HTR7: variants seen among roughly 807,000 people sequenced by gnomAD.
HTR7 encodes 5-HT-7.
A neutral mutation model predicts 34.0 loss-of-function variants in HTR7; 16 were observed. The observed-to-expected ratio is 0.47, with a 90% CI of 0.32 to 0.71. The LOEUF is 0.71. HTR7 is among the 30% of genes least tolerant of loss of function. HTR7 has a pLI of 0.04. For synonymous variants in HTR7, 265 were observed against 260.2 expected, an observed-to-expected ratio of 1.02 and a Z score of -0.18; for missense variants, 504 against 625.5, an observed-to-expected ratio of 0.81 and a Z score of 2.07.
rs762274693 is a variant in HTR7 at position 90,743,633 on chromosome 10, C to T, written c.1353G>A (p.Val451=). 13 of 1,613,946 alleles carry T rather than the reference C, an allele frequency of 8.1e-6. No individual in the cohort carries two copies. The South Asian group carries it at 1.2e-4, about 15-fold the overall frequency. The part of the protein sequence containing the change: ...LRPEKRPPVS[V]WVLQSPDHHN... ...GATGGTCTGGAGATTGTAGCACCCACACAGATACCGGTGGCCTCTTTTCTG... is the reference window on the plus strand; with the variant it reads ...GATGGTCTGGAGATTGTAGCACCCATACAGATACCGGTGGCCTCTTTTCTG... The change falls in exon 3 of 4, where the codon GTG becomes GTA. Residue 451 remains valine, a synonymous_variant. Coordinates refer to ENST00000336152, the MANE Select transcript of HTR7 (RefSeq NM_019859.4).
intron 1 of HTR7, among the ~76,000 whole-genome samples, chr10:90,843,813 G>A (rs1039476536): frequency 1.1e-4 from 16 of 152,264 alleles, no homozygotes; most frequent in Admixed American, 3.3e-4. Flanking sequence ...ACCAAATCTG[G>A]TCCCAGTCTG....
intron 1 of HTR7, among the ~76,000 whole-genome samples, chr10:90,794,454 A>G (rs1203924374): frequency 6.6e-6 from 1 of 152,180 alleles, no homozygotes; most frequent in Non-Finnish European, 1.5e-5. Flanking sequence ...TATCATTATC[A>G]AGTACTATGT....
chr10:90,843,302 T>C (rs1186978441), intron 1 of HTR7, among the ~76,000 whole-genome samples: 1 of 152,196 alleles, frequency 6.6e-6, no homozygotes, highest in East Asian at 1.9e-4. Flanking sequence ...TAAGCCTGGG[T>C]CATGCTATGC....
At chr10:90,848,132 G>A (rs1309001032) in intron 1 of HTR7, among the ~76,000 whole-genome samples, 4 of 139,492 alleles carry the variant, frequency 2.9e-5, no homozygotes, top group African/African-American at 5.7e-5. Context: ...GCAATGGCGC[G>A]ATCTCGGCTC....
At chr10:90,757,115 G>T (rs1223442943) in intron 1 of HTR7, among the ~76,000 whole-genome samples, 4 of 152,106 alleles carry the variant, frequency 2.6e-5, no homozygotes, top group Admixed American at 6.5e-5. Context: ...TAAAACCTTA[G>T]CTAAAAACTT....
rs1844589185 is a variant in HTR7, at chr10:90,743,646, G to A, written c.1340C>T (p.Pro447Leu). The change falls in exon 3 of 4, where the codon CCA becomes CTA. Residue 447 changes from proline to leucine, a missense_variant. Pro to Leu is a moderately conservative substitution (Grantham distance 98, BLOSUM62 -3). Around this residue, in one of 4 missense-constraint regions of HTR7, gnomAD observed 154 missense variants for 212.1 expected, o/e 0.73. Coordinates refer to ENST00000336152, the MANE Select transcript of HTR7 (RefSeq NM_019859.4). ...TTGTAGCACCCACACAGATACCGGT[G>A]GCCTCTTTTCTGGTCTCAACAGCAC... ...RRVLLRPEKR[P>L]PVSVWVLQSP... is the part of the protein sequence containing the mutation. The A allele has an allele frequency of 6.2e-7, 1 of 1,613,828 alleles. No homozygotes were observed. Among genetic ancestry groups the A allele is most frequent in the African/African-American group, 1.3e-5 (1 of 74,898 alleles).
intron 1 of HTR7, among the ~76,000 whole-genome samples, chr10:90,753,333 A>T (rs1266013820): frequency 6.6e-6 from 1 of 152,178 alleles, no homozygotes; most frequent in Non-Finnish European, 1.5e-5. Flanking sequence ...GGAGTTTCAG[A>T]CCAGCCTGAG....
At chr10:90,813,535 A>G (rs931194361) in intron 1 of HTR7, among the ~76,000 whole-genome samples, 5 of 151,706 alleles carry the variant, frequency 3.3e-5, no homozygotes, top group Non-Finnish European at 7.4e-5. Flanking sequence ...AAAAAAAAAA[A>G]GAAATTATTT....
intron 1 of HTR7, among the ~76,000 whole-genome samples, chr10:90,848,060 C>CTCTTTGT (rs1387923562): frequency 7.3e-6 from 1 of 136,660 alleles, no homozygotes; most frequent in Non-Finnish European, 1.5e-5. Flanking sequence ...CAATCACTCT[C>CTCTTTGT]TCTTTGTTCT....
chr10:90,810,023 C>T (rs1845778876), intron 1 of HTR7, among the ~76,000 whole-genome samples: 2 of 152,202 alleles, frequency 1.3e-5, no homozygotes, highest in Non-Finnish European at 2.9e-5. Flanking sequence ...CTCCACATTA[C>T]CTCCTTTTCA....
At chr10:90,783,299 C>T (rs1180827368) in intron 1 of HTR7, among the ~76,000 whole-genome samples, 3 of 152,152 alleles carry the variant, frequency 2.0e-5, no homozygotes, top group Non-Finnish European at 4.4e-5. Context: ...GGCAAATTTC[C>T]CTGGCAAATT....
At chr10:90,831,257 C>T (rs774815382) in intron 1 of HTR7, among the ~76,000 whole-genome samples, 7 of 152,130 alleles carry the variant, frequency 4.6e-5, no homozygotes, top group South Asian at 2.1e-4. Flanking sequence ...TTAAAGGCAG[C>T]GTGTCCGGAG....
chr10:90,786,091 G>A (rs1400285735), intron 1 of HTR7, among the ~76,000 whole-genome samples: 2 of 152,078 alleles, frequency 1.3e-5, no homozygotes, highest in African/African-American at 2.4e-5. Context: ...CACATATGTC[G>A]GGTTTATCTC....
chr10:90,754,339 A>T (rs963663747), intron 1 of HTR7, among the ~76,000 whole-genome samples: 1 of 152,084 alleles, frequency 6.6e-6, no homozygotes. Context: ...TCTAAATTAT[A>T]CATTCATTCT....
intron 1 of HTR7, among the ~76,000 whole-genome samples, chr10:90,823,043 C>T (rs1285493490): frequency 6.6e-6 from 1 of 152,238 alleles, no homozygotes; most frequent in African/African-American, 2.4e-5. Flanking sequence ...AGGGGCAAAG[C>T]CCTCATGGAG....
intron 1 of HTR7, among the ~76,000 whole-genome samples, chr10:90,835,283 T>C (rs1846237792): frequency 1.3e-5 from 2 of 152,140 alleles, no homozygotes; most frequent in Non-Finnish European, 2.9e-5. Context: ...TAAAATCCCA[T>C]TGTACTGACC....
chr10:90,770,069 C>T (rs190353128), intron 1 of HTR7, among the ~76,000 whole-genome samples: 10 of 152,340 alleles, frequency 6.6e-5, no homozygotes, highest in South Asian at 4.1e-4. Context: ...CGCAGCCAGA[C>T]GGAACCTGCC....
intron 1 of HTR7, among the ~76,000 whole-genome samples, chr10:90,854,118 C>T (rs577857678): frequency 1.3e-5 from 2 of 152,236 alleles, no homozygotes; most frequent in East Asian, 3.8e-4. Flanking sequence ...GTAATCCCAG[C>T]ATTTTGGGAG....
intron 1 of HTR7, among the ~76,000 whole-genome samples, chr10:90,774,819 A>G (rs1845179937): frequency 1.3e-5 from 2 of 152,244 alleles, no homozygotes; most frequent in African/African-American, 4.8e-5. Flanking sequence ...TCGCTTTTTA[A>G]GAAATGAAAC....
Sources: gnomAD v4.1 joint callset for allele counts (sites outside exome capture counted in the v4.1 genomes callset) on GRCh38, gnomAD v4.1.1 for gene constraint, gnomAD v4.1.1 regional missense constraint, MANE v1.5 for transcripts, NCBI Gene and HGNC (gene_info 2026-07-23, HGNC 2026-07-21) for gene names.